The following COL24A1 variants were observed in gnomAD, a reference collection of about 807,000 sequenced individuals.
COL24A1 encodes collagen type XXIV alpha 1 chain.
Under a neutral mutation model 253.9 loss-of-function variants are expected in COL24A1, and 224 were observed. The observed-to-expected ratio is 0.88, with a 90% CI of 0.79 to 0.99. COL24A1 has a LOEUF of 0.99. Among genes scored for constraint, COL24A1 ranks in the 50% least tolerant of loss-of-function variants. The pLI, the probability that COL24A1 is intolerant of heterozygous loss-of-function variation, is 0.00. For missense variants in COL24A1, 2,131 were observed against 2,068.5 expected (o/e 1.03, Z -0.59); for synonymous variants, 685 against 673.7 (o/e 1.02, Z -0.26).
intron 47 of COL24A1, among the ~76,000 whole-genome samples, chr1:85,797,655 C>T (rs182360457): frequency 2.8e-4 from 42 of 152,276 alleles, no homozygotes; most frequent in Middle Eastern, 3.4e-3. Context: ...TTTAGTCTCT[C>T]TCGGTCTCAG....
At chr1:86,026,842 T>A (rs1168444740) in intron 14 of COL24A1, among the ~76,000 whole-genome samples, 1 of 152,188 alleles carries the variant, frequency 6.6e-6, no homozygotes, top group Non-Finnish European at 1.5e-5. Flanking sequence ...TAGAGACTTA[T>A]TGAATGGCTT....
Position 85,882,273 on chromosome 1 carries a change from C to A in COL24A1, c.2977-5098G>T, listed in dbSNP as rs534030351. ...CGGGCGGTTCACGAGGTCAGGAGAT[C>A]GAGACCACGGTGAAACCCGTCTCTA... On this transcript the variant is annotated intron_variant, in intron 32 of 59. Transcript: ENST00000370571. Among the ~76,000 whole-genome samples, 22 of 151,818 alleles carry A rather than the reference C, an allele frequency of 1.4e-4. No individual in the cohort carries two copies. In the East Asian group the frequency reaches 4.3e-3, roughly 30 times the overall value.
intron 20 of COL24A1, among the ~76,000 whole-genome samples, chr1:85,978,673 A>G (rs1571450617): frequency 6.6e-6 from 1 of 152,188 alleles, no homozygotes; most frequent in East Asian, 1.9e-4. Flanking sequence ...CTAACACTGG[A>G]GCTTCCAAAT....
At chr1:86,110,732 C>T (rs74227452) in intron 5 of COL24A1, among the ~76,000 whole-genome samples, 22,272 of 152,008 alleles carry the variant, frequency 0.15, 1,768 homozygotes, top group South Asian at 0.24. Flanking sequence ...ACTGATGGCC[C>T]GCCCGTGCTG....
At chr1:85,799,302 C>T (rs1256101438) in intron 47 of COL24A1, among the ~76,000 whole-genome samples, 1 of 144,090 alleles carries the variant, frequency 6.9e-6, no homozygotes, top group African/African-American at 2.6e-5. Flanking sequence ...GCTAAAAATC[C>T]CAGAATAAAT....
intron 37 of COL24A1, among the ~76,000 whole-genome samples, chr1:85,860,087 T>C (rs1021352823): frequency 1.3e-5 from 2 of 152,216 alleles, no homozygotes; most frequent in African/African-American, 4.8e-5. Flanking sequence ...TTTGTGAAAG[T>C]AGCTATTTTG....
At chr1:85,844,953 T>A (rs1380359936) in intron 39 of COL24A1, among the ~76,000 whole-genome samples, 1 of 151,906 alleles carries the variant, frequency 6.6e-6, no homozygotes, top group Non-Finnish European at 1.5e-5. Flanking sequence ...CCATTTTATA[T>A]GACTTGCTTA....
intron 2 of COL24A1, among the ~76,000 whole-genome samples, chr1:86,136,903 T>C (rs1650342488): frequency 6.6e-6 from 1 of 152,032 alleles, no homozygotes; most frequent in Non-Finnish European, 1.5e-5. Context: ...ACTTAGCAAA[T>C]GTGTTTGAGC....
chr1:85,730,339 T>C lies in COL24A1; in HGVS notation c.*207A>G. 2.4e-6 allele frequency: 1 copy of C among 411,874 alleles called. No individual in the cohort carries two copies. Among genetic ancestry groups the C allele is most frequent in the Non-Finnish European group, 4.2e-6 (1 of 235,396 alleles). The allele number at this position is 411,874 out of a possible 1,614,324, so 25.5% of individuals were successfully genotyped here. A position where few individuals can be genotyped will look rare whatever the true frequency, so the allele number is the denominator to read the frequency against. On this transcript the variant is annotated 3_prime_UTR_variant, in exon 60 of 60. Coordinates refer to ENST00000370571, the MANE Select transcript of COL24A1 (RefSeq NM_152890.7). ...AGAAAGCTGAGATGAATATAATTTTTAAAAGAATTAAATACTTTATCAATC... is the reference window on the plus strand; with the variant it reads ...AGAAAGCTGAGATGAATATAATTTTCAAAAGAATTAAATACTTTATCAATC...
chr1:86,086,261 C>T (rs1703056243), intron 7 of COL24A1, among the ~76,000 whole-genome samples: 1 of 152,152 alleles, frequency 6.6e-6, no homozygotes, highest in South Asian at 2.1e-4. Flanking sequence ...TTAAATACCA[C>T]TGTCTAACAA....
At chr1:86,025,245 A>C (rs1697914456) in intron 14 of COL24A1, among the ~76,000 whole-genome samples, 1 of 152,158 alleles carries the variant, frequency 6.6e-6, no homozygotes, top group South Asian at 2.1e-4. Context: ...CATGGAACAG[A>C]CAGAAGAAAT....
intron 5 of COL24A1, among the ~76,000 whole-genome samples, chr1:86,107,976 T>TA (rs200304483): frequency 0.014 from 2,113 of 152,238 alleles, 26 homozygotes; most frequent in Middle Eastern, 0.034. Flanking sequence ...TTTTGCAAAA[T>TA]AAATGTAAGT....
intron 19 of COL24A1, among the ~76,000 whole-genome samples, chr1:85,989,603 C>T (rs1413994467): frequency 6.6e-6 from 1 of 152,128 alleles, no homozygotes; most frequent in Admixed American, 6.6e-5. Flanking sequence ...TGTTACTGGC[C>T]TCAGAATAGA....
intron 20 of COL24A1, among the ~76,000 whole-genome samples, chr1:85,983,586 A>G (rs1446869940): frequency 6.6e-6 from 1 of 151,928 alleles, no homozygotes; most frequent in African/African-American, 2.4e-5. Context: ...GATTTTCTCG[A>G]TGACCACATT....
intron 24 of COL24A1, among the ~76,000 whole-genome samples, chr1:85,952,767 G>A (rs1236815845): frequency 2.0e-5 from 3 of 152,148 alleles, no homozygotes; most frequent in Admixed American, 6.5e-5. Flanking sequence ...GATAAAGACC[G>A]TATGGCCTGA....
chr1:85,807,456 C>A (rs1254175603), intron 47 of COL24A1, among the ~76,000 whole-genome samples: 1 of 152,058 alleles, frequency 6.6e-6, no homozygotes, highest in East Asian at 1.9e-4. Context: ...AAGGTAGGAG[C>A]AATTATCACA....
At chr1:86,003,649 A>T (rs1430711589) in intron 19 of COL24A1, among the ~76,000 whole-genome samples, 5 of 152,172 alleles carry the variant, frequency 3.3e-5, no homozygotes, top group Non-Finnish European at 7.4e-5. Flanking sequence ...AAGTCATCCT[A>T]AGGGGTAGAT....
chr1:86,058,231 A>T (rs1700799472), intron 9 of COL24A1, among the ~76,000 whole-genome samples: 2 of 151,842 alleles, frequency 1.3e-5, no homozygotes, highest in African/African-American at 4.8e-5. Context: ...GATTTTTAAA[A>T]TTTTTTTCAT....
intron 57 of COL24A1, among the ~76,000 whole-genome samples, chr1:85,743,581 A>G (rs1423513471): frequency 6.6e-6 from 1 of 152,156 alleles, no homozygotes; most frequent in Non-Finnish European, 1.5e-5. Context: ...ACACTGCACA[A>G]TCCACACCAT....
Sources: gnomAD v4.1 joint callset for allele counts (sites outside exome capture counted in the v4.1 genomes callset) on GRCh38, gnomAD v4.1.1 for gene constraint, MANE v1.5 for transcripts, NCBI Gene and HGNC (gene_info 2026-07-23, HGNC 2026-07-21) for gene names.